The following EXOC4 variants were observed in gnomAD, a reference collection of about 807,000 sequenced individuals.
EXOC4 encodes the protein SEC8-like 1.
A neutral mutation model predicts 107.2 loss-of-function variants in EXOC4; 71 were observed. The ratio of observed to expected loss-of-function variants is 0.66; its 90% CI spans 0.55 to 0.81. The LOEUF is 0.81. Ranked by LOEUF, EXOC4 falls within the 30% of genes least tolerant of loss-of-function variation. The probability of loss-of-function intolerance (pLI) is 0.00; values close to 1 mark genes in which losing one functional copy is unlikely to be tolerated. For synonymous variants in EXOC4, 456 were observed against 441.2 expected, an observed-to-expected ratio of 1.03 and a Z score of -0.42; for missense variants, 1,108 against 1,189.6, an observed-to-expected ratio of 0.93 and a Z score of 1.01.
intron 14 of EXOC4, among the ~76,000 whole-genome samples, chr7:133,993,288 T>A (rs922168894): frequency 6.6e-6 from 1 of 152,148 alleles, no homozygotes; most frequent in Non-Finnish European, 1.5e-5. Flanking sequence ...AAATGATGAG[T>A]TGTAGAATTG....
At chr7:133,703,478 A>C (rs1794707602) in intron 10 of EXOC4, among the ~76,000 whole-genome samples, 1 of 152,214 alleles carries the variant, frequency 6.6e-6, no homozygotes, top group South Asian at 2.1e-4. Context: ...GTGGTCAAGG[A>C]ATAATAAAGT....
intron 11 of EXOC4, among the ~76,000 whole-genome samples, chr7:133,836,328 C>G (rs557095141): frequency 1.3e-5 from 2 of 152,106 alleles, no homozygotes; most frequent in South Asian, 2.1e-4. Context: ...GAGTCAAGTT[C>G]AACACATTAA....
chr7:134,054,812 A>G (rs112110204), intron 17 of EXOC4, among the ~76,000 whole-genome samples: 429 of 152,296 alleles, frequency 2.8e-3, no homozygotes, highest in East Asian at 0.028. Context: ...CCAAATTCAC[A>G]TTGTTATCCA....
At chr7:133,675,085 T>C (rs1794026160) in intron 10 of EXOC4, among the ~76,000 whole-genome samples, 1 of 152,206 alleles carries the variant, frequency 6.6e-6, no homozygotes, top group Non-Finnish European at 1.5e-5. Context: ...TTTCTTATGC[T>C]AAATACACAG....
chr7:133,957,705 C>T (rs1037028162), intron 14 of EXOC4, among the ~76,000 whole-genome samples: 3 of 152,174 alleles, frequency 2.0e-5, no homozygotes, highest in Non-Finnish European at 2.9e-5. Flanking sequence ...AGCTTCTATT[C>T]GCTTCAGCAG....
chr7:133,714,774 T>C (rs1242897687), intron 10 of EXOC4, among the ~76,000 whole-genome samples: 1 of 152,158 alleles, frequency 6.6e-6, no homozygotes, highest in African/African-American at 2.4e-5. Flanking sequence ...TGAGCATCCA[T>C]GGGCAGTGGG....
At chr7:133,402,955 G>C (rs1797125330) in intron 7 of EXOC4, among the ~76,000 whole-genome samples, 2 of 149,966 alleles carry the variant, frequency 1.3e-5, no homozygotes. Context: ...AACGATCTTG[G>C]CTCACTGCAA....
At chr7:133,561,452 A>G (rs186310785) in intron 9 of EXOC4, among the ~76,000 whole-genome samples, 6 of 152,244 alleles carry the variant, frequency 3.9e-5, no homozygotes, top group Admixed American at 1.3e-4. Flanking sequence ...TTTGCCTGGC[A>G]CTTATACAGT....
chr7:133,584,021 C>T (rs1298582242), intron 9 of EXOC4, among the ~76,000 whole-genome samples: 2 of 151,984 alleles, frequency 1.3e-5, no homozygotes, highest in Admixed American at 6.6e-5. Flanking sequence ...AGGAGGAGTG[C>T]GAGATGACTA....
At chr7:133,839,437 G>A (rs1797981765) in intron 11 of EXOC4, among the ~76,000 whole-genome samples, 1 of 152,214 alleles carries the variant, frequency 6.6e-6, no homozygotes, top group South Asian at 2.1e-4. Flanking sequence ...TGACAGTGTA[G>A]CATATTGCTT....
At chr7:133,785,710 TTG>T (rs1796554546) in intron 10 of EXOC4, among the ~76,000 whole-genome samples, 1 of 152,074 alleles carries the variant, frequency 6.6e-6, no homozygotes, top group Non-Finnish European at 1.5e-5. Context: ...TCTCGTTCTT[TTG>T]CCCAGGCTGG....
At position 133,565,425 on chromosome 7, in the gene EXOC4, C is replaced by G. The variant is rs144064202; in HGVS notation, c.1418-64620C>G. On this transcript the variant is annotated intron_variant, in intron 9 of 17. Transcript: ENST00000253861. ...GTAAATATGTTGGCAATTACAGATG[C>G]TACCTACTCAAAGGTATGGGTTTTT... Among the ~76,000 whole-genome samples the G allele has an allele frequency of 2.2e-4, 34 of 152,244 alleles. 2 individuals are homozygous for G. In the East Asian group the frequency reaches 6.6e-3, roughly 29 times the overall value.
Position 133,962,992 on chromosome 7 carries a change from T to C in EXOC4, c.2206+24923T>C, listed in dbSNP as rs1800981107. On this transcript the variant is annotated intron_variant, in intron 14 of 17. Transcript: ENST00000253861. Reference sequence around the variant, plus strand: ...CAGATGTATTGTGATCCAAAGAGGATTTCAATATGTTTTCACATGCTGCAC... The same window carrying C: ...CAGATGTATTGTGATCCAAAGAGGACTTCAATATGTTTTCACATGCTGCAC... Among the ~76,000 whole-genome samples, 5 of 152,332 alleles carry C rather than the reference T, an allele frequency of 3.3e-5. No individual in the cohort carries two copies. In the South Asian group the frequency reaches 1.0e-3, roughly 32 times the overall value.
At chr7:133,881,114 A>G (rs1304904568) in intron 11 of EXOC4, among the ~76,000 whole-genome samples, 1 of 152,154 alleles carries the variant, frequency 6.6e-6, no homozygotes, top group Non-Finnish European at 1.5e-5. Context: ...ATCAGGTTGA[A>G]TTAATTATTT....
intron 11 of EXOC4, among the ~76,000 whole-genome samples, chr7:133,857,098 A>T (rs1414746045): frequency 1.8e-5 from 2 of 109,292 alleles, no homozygotes; most frequent in Admixed American, 1.1e-4. Context: ...CTCCGTCTTT[A>T]TATATATATA....
At chr7:133,843,403 C>G (rs1425372902) in intron 11 of EXOC4, among the ~76,000 whole-genome samples, 1 of 152,096 alleles carries the variant, frequency 6.6e-6, no homozygotes, top group South Asian at 2.1e-4. Context: ...TAGCTGTATT[C>G]CTAGTATTGT....
At chr7:133,702,512 T>G (rs924518496) in intron 10 of EXOC4, among the ~76,000 whole-genome samples, 8 of 151,064 alleles carry the variant, frequency 5.3e-5, no homozygotes, top group Non-Finnish European at 1.2e-4. Context: ...GCCAATTTTT[T>G]TTTTTGAATT....
chr7:133,815,144 C>G (rs987056451), intron 10 of EXOC4, among the ~76,000 whole-genome samples: 2 of 151,754 alleles, frequency 1.3e-5, no homozygotes, highest in African/African-American at 4.8e-5. Context: ...TTTGGGAGGC[C>G]GAAGCGGGCA....
intron 2 of EXOC4, among the ~76,000 whole-genome samples, chr7:133,287,305 A>G (rs1584780003): frequency 6.6e-6 from 1 of 151,998 alleles, no homozygotes; most frequent in East Asian, 1.9e-4. Flanking sequence ...TCTATTATAT[A>G]TATATATATG....
Sources: gnomAD v4.1 joint callset for allele counts (sites outside exome capture counted in the v4.1 genomes callset) on GRCh38, gnomAD v4.1.1 for gene constraint, MANE v1.5 for transcripts, NCBI Gene and HGNC (gene_info 2026-07-23, HGNC 2026-07-21) for gene names.